The following FHL5 variants were observed in gnomAD, a reference collection of about 807,000 sequenced individuals.
The protein encoded by FHL5 is four and a half LIM domains 5.
In FHL5, 33 loss-of-function variants were observed where a neutral mutation model predicts 32.0. The observed-to-expected ratio is 1.03, with a 90% CI of 0.78 to 1.38. FHL5 has a LOEUF of 1.38. Among genes scored for constraint, FHL5 ranks in the 40% most tolerant of loss-of-function variants. The pLI, the probability that FHL5 is intolerant of heterozygous loss-of-function variation, is 0.00. For missense variants in FHL5, 336 were observed against 343.9 expected, an observed-to-expected ratio of 0.98 and a Z score of 0.18; for synonymous variants, 114 against 113.6, an observed-to-expected ratio of 1.00 and a Z score of -0.02.
chr6:96,595,442 T>C (rs1468785826), intron 1 of FHL5, among the ~76,000 whole-genome samples: 1 of 151,836 alleles, frequency 6.6e-6, no homozygotes, highest in Non-Finnish European at 1.5e-5. Context: ...TTATGATGCC[T>C]GAAATTTGTT....
intron 5 of FHL5, among the ~76,000 whole-genome samples, chr6:96,612,469 C>T (rs536350225): frequency 1.3e-5 from 2 of 152,260 alleles, no homozygotes; most frequent in African/African-American, 2.4e-5. Flanking sequence ...TGCAAAAAGC[C>T]TACACAAGCC....
intron 5 of FHL5, among the ~76,000 whole-genome samples, 157 bp downstream of exon 5, chr6:96,610,915 ATATT>A (rs1439341576): frequency 6.6e-6 from 1 of 152,224 alleles, no homozygotes; most frequent in African/African-American, 2.4e-5. Flanking sequence ...ATGAGTATAA[ATATT>A]ACATGGATTC....
At chr6:96,564,197 C>T (rs1770305284) in intron 1 of FHL5, among the ~76,000 whole-genome samples, 1 of 152,046 alleles carries the variant, frequency 6.6e-6, no homozygotes. Flanking sequence ...GTAAGGAAAT[C>T]CTTGAGCCAT....
chr6:96,568,778 T>C lies in FHL5; in HGVS notation c.-13+5423T>C, dbSNP rs911474871. On this transcript the variant is annotated intron_variant, in intron 1 of 5. Transcript: ENST00000450218. The stretch of plus-strand genomic sequence containing the variant: ...AGCTGTTTATAATAGTCTCTGATAA[T>C]TTTTTGTATTTCTATGGTATTAGTT... Among the ~76,000 whole-genome samples the C allele has an allele frequency of 5.9e-5, 9 of 151,948 alleles. No individual in the cohort carries two copies. The East Asian group carries it at 1.5e-3, about 26-fold the overall frequency.
Position 96,573,556 on chromosome 6 carries a change from C to T in FHL5, c.-13+10201C>T, listed in dbSNP as rs192207831. ...TTTTTTTTTTTTTTTTTTTTTGAGA[C>T]GGAGGCCCAGGCTGGAGTGCAGTGG... On this transcript the variant is annotated intron_variant, in intron 1 of 5. Transcript: ENST00000450218. Among the ~76,000 whole-genome samples the T allele has an allele frequency of 2.9e-3, 344 of 117,996 alleles. 2 individuals carry two copies. Among genetic ancestry groups the T allele is most frequent in the African/African-American group, 0.01 (303 of 28,928 alleles). The allele number at this position is 117,996 out of a possible 152,430, so 77.4% of individuals were successfully genotyped here.
chr6:96,590,681 G>A (rs750440657), intron 1 of FHL5, among the ~76,000 whole-genome samples: 7 of 151,872 alleles, frequency 4.6e-5, no homozygotes, highest in South Asian at 2.1e-4. Flanking sequence ...TTTATAATCC[G>A]AGTAAAAGCT....
At chr6:96,564,575 A>T (rs1770313559) in intron 1 of FHL5, among the ~76,000 whole-genome samples, 1 of 151,898 alleles carries the variant, frequency 6.6e-6, no homozygotes, top group East Asian at 1.9e-4. Context: ...AGCTGAATTA[A>T]TCTGTGTTTC....
At chr6:96,568,724 T>C (rs762687155) in intron 1 of FHL5, among the ~76,000 whole-genome samples, 1 of 151,948 alleles carries the variant, frequency 6.6e-6, no homozygotes, top group Non-Finnish European at 1.5e-5. Flanking sequence ...TACCTATTTC[T>C]GTCAGGTCTT....
chr6:96,596,389 T>C (rs1771034741), intron 1 of FHL5, among the ~76,000 whole-genome samples: 1 of 152,150 alleles, frequency 6.6e-6, no homozygotes, highest in South Asian at 2.1e-4. Context: ...GTCACTCACA[T>C]TTTAACTCTG....
intron 1 of FHL5, among the ~76,000 whole-genome samples, chr6:96,601,064 G>A (rs977448405): frequency 2.0e-5 from 3 of 152,302 alleles, no homozygotes; most frequent in East Asian, 1.9e-4. Context: ...GGCCAGGCGC[G>A]GTGGCTCACG....
chr6:96,607,115 A>G (rs1458644283), intron 4 of FHL5, among the ~76,000 whole-genome samples: 1 of 152,118 alleles, frequency 6.6e-6, no homozygotes, highest in Non-Finnish European at 1.5e-5. Context: ...CTAAGCTTTT[A>G]TGTGAAAAAG....
At position 96,616,684 on chromosome 6, in the gene FHL5, A is replaced by G. The variant is rs921876352; in HGVS notation, c.*912A>G. The G allele has an allele frequency of 6.6e-6, 1 of 152,206 alleles. No homozygotes were observed. Among genetic ancestry groups the G allele is most frequent in the Non-Finnish European group, 1.5e-5 (1 of 68,026 alleles). 9.4% of individuals were successfully genotyped at this position (152,206 alleles called of 1,614,324 possible). On this transcript the variant is annotated 3_prime_UTR_variant, in exon 6 of 6. Transcript: ENST00000450218. ...GGAAGGGATTGAGTCTTGGAACATGACTTTCATCCAGATATCTAACGACAT... is the reference window on the plus strand; with the variant it reads ...GGAAGGGATTGAGTCTTGGAACATGGCTTTCATCCAGATATCTAACGACAT...
intron 1 of FHL5, among the ~76,000 whole-genome samples, chr6:96,577,000 A>G (rs1770597375): frequency 6.6e-6 from 1 of 152,216 alleles, no homozygotes; most frequent in Admixed American, 6.5e-5. Flanking sequence ...CAAAGCCTCA[A>G]ACATACAACT....
chr6:96,569,541 A>G (rs891748187), intron 1 of FHL5, among the ~76,000 whole-genome samples: 2 of 152,064 alleles, frequency 1.3e-5, no homozygotes, highest in African/African-American at 4.8e-5. Context: ...GTCCCCAGCT[A>G]TAATTGTACT....
intron 1 of FHL5, among the ~76,000 whole-genome samples, chr6:96,597,367 CA>C (rs896595300): frequency 8.4e-6 from 1 of 118,628 alleles, no homozygotes; most frequent in Non-Finnish European, 1.8e-5. Flanking sequence ...CCCTCCAACA[CA>C]AAAAAAATCA....
At chr6:96,564,710 A>G (rs1032641481) in intron 1 of FHL5, among the ~76,000 whole-genome samples, 7 of 152,210 alleles carry the variant, frequency 4.6e-5, no homozygotes, top group Admixed American at 3.9e-4. Flanking sequence ...AATCGAGGGA[A>G]CATGATCTCT....
At chr6:96,601,063 C>T (rs1357844484) in intron 1 of FHL5, among the ~76,000 whole-genome samples, 1 of 152,306 alleles carries the variant, frequency 6.6e-6, no homozygotes, top group African/African-American at 2.4e-5. Context: ...AGGCCAGGCG[C>T]GGTGGCTCAC....
At chr6:96,597,345 T>G (rs1771056799) in intron 1 of FHL5, among the ~76,000 whole-genome samples, 5 of 145,062 alleles carry the variant, frequency 3.4e-5, no homozygotes. Flanking sequence ...AGCTCATTGA[T>G]TCTCTGTATT....
Position 96,617,776 on chromosome 6 carries a change from T to A in FHL5, c.*2004T>A, listed in dbSNP as rs1192363162. ...TTGGAAATGTTTAGGCATTTTACTG[T>A]GTGGGGGCAGTGAGTATGCACATGA... On this transcript the variant is annotated 3_prime_UTR_variant, in exon 6 of 6. Coordinates refer to ENST00000450218, the MANE Select transcript of FHL5 (RefSeq NM_001322466.2). Among the ~76,000 whole-genome samples, 1 of 152,212 alleles carries A rather than the reference T, an allele frequency of 6.6e-6. No individual in the cohort carries two copies. The highest frequency in any genetic ancestry group is 1.5e-5 in the Non-Finnish European group (1 of 68,034).
Sources: gnomAD v4.1 joint callset for allele counts (sites outside exome capture counted in the v4.1 genomes callset) on GRCh38, gnomAD v4.1.1 for gene constraint, MANE v1.5 for transcripts, NCBI Gene and HGNC (gene_info 2026-07-23, HGNC 2026-07-21) for gene names.